Variants in STK11 observed in about 807,000 individuals in gnomAD.
The protein encoded by STK11 is serine/threonine kinase 11.
In STK11, 8 loss-of-function variants were observed where a neutral mutation model predicts 47.3. The observed-to-expected ratio is 0.17, with a 90% CI of 0.10 to 0.31. The LOEUF (loss-of-function observed/expected upper bound fraction) is 0.31. STK11 is among the 10% of genes least tolerant of loss of function. The pLI is 1.00. For missense variants in STK11, 475 were observed against 605.0 expected (o/e 0.79, Z 2.25); for synonymous variants, 330 against 255.8 (o/e 1.29, Z -2.77).
chr19:1,221,384 CT>C, intron 6 of STK11, 44 bp downstream of exon 6: 1 of 1,555,820 alleles, frequency 6.4e-7, no homozygotes, highest in African/African-American at 1.4e-5. Context: ...GGAGGCGGGG[CT>C]TTTGTGCAGA....
At position 1,207,015 on chromosome 19, in the gene STK11, C is replaced by T. The variant is rs1060503784; in HGVS notation, c.102C>T (p.Val34=). ...TCCACCGCATCGACTCCACCGAGGT[C>T]ATCTACCAGCCGCGCCGCAAGCGGG... ...TFIHRIDSTE[V]IYQPRRKRAK... is the part of the protein sequence containing the mutation. Residue 34 remains valine, a synonymous_variant, in exon 1 of 10, where the codon GTC becomes GTT. Transcript: ENST00000326873. 12 of 1,613,574 alleles carry T rather than the reference C, an allele frequency of 7.4e-6. No individual in the cohort carries two copies. Among genetic ancestry groups the T allele is most frequent in the Non-Finnish European group, 1.0e-5 (12 of 1,179,848 alleles).
chr19:1,212,237 C>A (rs557692100), intron 1 of STK11, among the ~76,000 whole-genome samples: 1 of 151,416 alleles, frequency 6.6e-6, no homozygotes, highest in African/African-American at 2.4e-5. Context: ...ACAAACGCCA[C>A]CGTATTGCTC....
chr19:1,227,534 G>A lies in STK11; in HGVS notation c.*17-59G>A, dbSNP rs574954777. On this transcript the variant is annotated intron_variant, in intron 9 of 9. Transcript: ENST00000326873. ...AGCTTCTCCATCCTCCCAGGGGCCCGCGGGAGGCGGAGAACCGGTGCCCAG... is the reference window on the plus strand; with the variant it reads ...AGCTTCTCCATCCTCCCAGGGGCCCACGGGAGGCGGAGAACCGGTGCCCAG... 15 of 1,061,694 alleles carry A rather than the reference G, an allele frequency of 1.4e-5. No individual in the cohort carries two copies. The East Asian group carries it at 6.5e-4, about 46-fold the overall frequency. The allele number at this position is 1,061,694 out of a possible 1,614,324, so 65.8% of individuals were successfully genotyped here. A position where few individuals can be genotyped will look rare whatever the true frequency, so the allele number is the denominator to read the frequency against.
At chr19:1,226,786 T>C (rs1315212707) in intron 9 of STK11, 123 bp downstream of exon 9, 24 of 1,243,274 alleles carry the variant, frequency 1.9e-5, no homozygotes, top group Non-Finnish European at 2.5e-5. Flanking sequence ...GTGGTTGCCA[T>C]GTGGCCTTTG....
Position 1,228,284 on chromosome 19 carries a change from G to C in STK11, c.*708G>C. 2 of 293,968 alleles carry C rather than the reference G, an allele frequency of 6.8e-6. No individual in the cohort carries two copies. The highest frequency in any genetic ancestry group is 1.2e-5 in the Non-Finnish European group (2 of 173,788). The allele number at this position is 293,968 out of a possible 1,614,324, so 18.2% of individuals were successfully genotyped here. ...CCCAGAGAAAACCCGGAGCAAGCAG[G>C]AGTGTGCGGTCAATATTTATATCAT... is the stretch of plus-strand genomic sequence containing the variant. On this transcript the variant is annotated 3_prime_UTR_variant, in exon 10 of 10. Coordinates refer to ENST00000326873, the MANE Select transcript of STK11 (RefSeq NM_000455.5).
rs201256614 is a variant in STK11 at position 1,226,623 on chromosome 19, G to C, written c.1278G>C (p.Arg426=). 6.5e-7 allele frequency: 1 copy of C among 1,546,364 alleles called. No homozygotes were observed. The highest frequency in any genetic ancestry group is 8.7e-7 in the Non-Finnish European group (1 of 1,146,652). Residue 426 remains arginine, a synonymous_variant, in exon 9 of 10, where the codon CGG becomes CGC. Transcript: ENST00000326873. ...KACSASSKIR[R]LSACKQQ is the part of the protein sequence containing the mutation. ...GCTCCGCCAGCAGCAAGATCCGCCG[G>C]CTGTCGGCCTGCAAGCAGCAGTGAG...
chr19:1,222,136 C>T (rs930524840), intron 7 of STK11, 130 bp downstream of exon 7: 14 of 1,119,650 alleles, frequency 1.3e-5, no homozygotes, highest in East Asian at 5.2e-5. Context: ...CCCCGTGCAG[C>T]GCCCGCAGTT....
At chr19:1,225,561 G>A (rs1422340525) in intron 8 of STK11, 13 of 985,456 alleles carry the variant, frequency 1.3e-5, no homozygotes, top group South Asian at 9.4e-5. Context: ...GAGCCACCGC[G>A]ACCGGCCCAA....
At chr19:1,213,259 A>G (rs1405070495) in intron 1 of STK11, among the ~76,000 whole-genome samples, 1 of 152,036 alleles carries the variant, frequency 6.6e-6, no homozygotes, top group Non-Finnish European at 1.5e-5. Flanking sequence ...GGCCTCCCAA[A>G]GTGCTGGGGT....
Position 1,223,090 on chromosome 19 carries a change from G to A in STK11, c.1026G>A (p.Glu342=), listed in dbSNP as rs1195673013. The A allele has an allele frequency of 1.2e-6, 2 of 1,610,534 alleles. No individual in the cohort carries two copies. The highest frequency in any genetic ancestry group is 8.5e-7 in the Non-Finnish European group (1 of 1,178,922). The stretch of plus-strand genomic sequence containing the variant: ...GCATGACTGTGGTGCCGTACTTGGA[G>A]GACCTGCACGGCGCGGACGAGGACG... ...WRSMTVVPYL[E]DLHGADEDED... Residue 342 remains glutamate (E), a synonymous_variant, in exon 8 of 10, where the codon GAG becomes GAA. Transcript: ENST00000326873.
chr19:1,210,115 C>T (rs143350377), intron 1 of STK11, among the ~76,000 whole-genome samples: 7 of 152,236 alleles, frequency 4.6e-5, no homozygotes, highest in Middle Eastern at 6.8e-3. Flanking sequence ...GATTCAGGAG[C>T]CACTGCATTT....
chr19:1,225,531 A>T (rs1447981816), intron 8 of STK11: 16 of 984,456 alleles, frequency 1.6e-5, no homozygotes, highest in Non-Finnish European at 1.9e-5. Context: ...GGCCTCCCAA[A>T]GTGCTGGGAT....
chr19:1,218,248 C>A (rs547292293), intron 1 of STK11, among the ~76,000 whole-genome samples, 169 bp from the exon 2 acceptor site: 27 of 152,354 alleles, frequency 1.8e-4, no homozygotes, highest in Non-Finnish European at 3.5e-4. Flanking sequence ...AGCCTGGACG[C>A]GTGGCCCCTG....
At chr19:1,211,585 C>G (rs1260471946) in intron 1 of STK11, among the ~76,000 whole-genome samples, 1 of 152,210 alleles carries the variant, frequency 6.6e-6, no homozygotes, top group Admixed American at 6.5e-5. Context: ...CCAGGGCTGC[C>G]GTGAGCGCAC....
At chr19:1,210,224 G>A (rs1293794354) in intron 1 of STK11, among the ~76,000 whole-genome samples, 1 of 152,210 alleles carries the variant, frequency 6.6e-6, no homozygotes, top group East Asian at 1.9e-4. Flanking sequence ...CAAGGAGAAG[G>A]GGTGTCCACT....
chr19:1,213,639 G>C (rs147739512), intron 1 of STK11, among the ~76,000 whole-genome samples: 1 of 152,254 alleles, frequency 6.6e-6, no homozygotes, highest in Non-Finnish European at 1.5e-5. Flanking sequence ...TTTCCAGTGT[G>C]TGGAGGGCCA....
Position 1,226,341 on chromosome 19 carries a change from G to A in STK11, c.1109-113G>A, listed in dbSNP as rs1350526765. 3.3e-6 allele frequency: 5 copies of A among 1,506,458 alleles called. No individual in the cohort carries two copies. In the African/African-American group the frequency reaches 4.2e-5, roughly 13 times the overall value. 93.3% of individuals were successfully genotyped at this position (1,506,458 alleles called of 1,614,324 possible). A position where few individuals can be genotyped will look rare whatever the true frequency, so the allele number is the denominator to read the frequency against. ...ACACCTGGGCCTGACCCGGGGGCGG[G>A]CATGGCCTGGGCAGCAGCTGTAAGT... On this transcript the variant is annotated intron_variant, in intron 8 of 9. Transcript: ENST00000326873.
rs1425368320 is a variant in STK11 at position 1,220,726 on chromosome 19, C to A, written c.734+9C>A. The A allele has an allele frequency of 6.2e-7, 1 of 1,603,136 alleles. No individual in the cohort carries two copies. Among genetic ancestry groups the A allele is most frequent in the Non-Finnish European group, 8.5e-7 (1 of 1,174,292 alleles). ...TCGGCTGGGGTCACCCTGTAAGTGC[C>A]CCGCCCCCCCGGGCACTCACCACAC... On this transcript the variant is annotated intron_variant, in intron 5 of 9. Transcript: ENST00000326873.
chr19:1,224,128 C>T (rs1384424830), intron 8 of STK11: 8 of 989,744 alleles, frequency 8.1e-6, no homozygotes, highest in Non-Finnish European at 8.4e-6. Flanking sequence ...AGGCTCAGCT[C>T]AGTAGCTGGT....
Sources: gnomAD v4.1 joint callset for allele counts (sites outside exome capture counted in the v4.1 genomes callset) on GRCh38, gnomAD v4.1.1 for gene constraint, MANE v1.5 for transcripts, NCBI Gene and HGNC (gene_info 2026-07-23, HGNC 2026-07-21) for gene names.